The following RARB variants were observed in gnomAD, a reference collection of about 807,000 sequenced individuals.
The protein encoded by RARB is retinoic acid receptor beta.
In RARB, 17 loss-of-function variants were observed where a neutral mutation model predicts 51.9. The ratio of observed to expected loss-of-function variants is 0.33; its 90% CI spans 0.22 to 0.49. The LOEUF (loss-of-function observed/expected upper bound fraction) is 0.49. Among genes scored for constraint, RARB ranks in the 20% least tolerant of loss-of-function variants. The probability of loss-of-function intolerance (pLI) is 0.99; values close to 1 mark genes in which losing one functional copy is unlikely to be tolerated. For missense variants in RARB, 369 were observed against 550.8 expected (o/e 0.67, Z 3.30); for synonymous variants, 215 against 195.4 (o/e 1.10, Z -0.84).
At chr3:25,082,224 T>G (rs1286488754) in intron 3 of RARB, among the ~76,000 whole-genome samples, 1 of 138,500 alleles carries the variant, frequency 7.2e-6, no homozygotes, top group East Asian at 2.1e-4. Context: ...CCAGTCAGTT[T>G]ATTCCTTTTA....
chr3:25,247,300 G>C (rs569346976), intron 5 of RARB, among the ~76,000 whole-genome samples: 2 of 152,304 alleles, frequency 1.3e-5, no homozygotes, highest in African/African-American at 2.4e-5. Context: ...TAGTATCACT[G>C]TCTTCAGCCC....
chr3:25,501,169 T>C lies in RARB; in HGVS notation c.307-13T>C, dbSNP rs774258213. On this transcript the variant is annotated splice_polypyrimidine_tract_variant and intron_variant, in intron 2 of 7. Transcript: ENST00000330688. ...GCTTTACTGAGTTTTTTCATCTTCT[T>C]GCTTGCTTGCAGGGCTTTTTCCGCA... 2 of 1,567,806 alleles carry C rather than the reference T, an allele frequency of 1.3e-6. No homozygotes were observed. Among genetic ancestry groups the C allele is most frequent in the Admixed American group, 4.2e-5 (2 of 47,540 alleles).
intron 2 of RARB, among the ~76,000 whole-genome samples, chr3:25,478,938 T>C (rs1341345890): frequency 6.6e-6 from 1 of 152,196 alleles, no homozygotes; most frequent in Non-Finnish European, 1.5e-5. Flanking sequence ...AAAATAGTTA[T>C]TTATTCCTTT....
At chr3:25,334,076 G>A (rs1426250697) in intron 5 of RARB, among the ~76,000 whole-genome samples, 1 of 152,180 alleles carries the variant, frequency 6.6e-6, no homozygotes, top group Non-Finnish European at 1.5e-5. Context: ...TTACACTGTT[G>A]GTGGGACTGT....
At chr3:25,215,666 T>C (rs1701817825) in intron 5 of RARB, among the ~76,000 whole-genome samples, 2 of 152,120 alleles carry the variant, frequency 1.3e-5, no homozygotes, top group South Asian at 4.2e-4. Context: ...TCGATGATGA[T>C]TTGAAACCAG....
At chr3:25,296,611 A>G (rs1703920208) in intron 5 of RARB, among the ~76,000 whole-genome samples, 1 of 152,208 alleles carries the variant, frequency 6.6e-6, no homozygotes, top group African/African-American at 2.4e-5. Context: ...AAGGTCTGGC[A>G]GAGAAAGAAT....
At chr3:25,376,447 G>T (rs1388859216) in intron 5 of RARB, among the ~76,000 whole-genome samples, 1 of 152,152 alleles carries the variant, frequency 6.6e-6, no homozygotes, top group African/African-American at 2.4e-5. Flanking sequence ...TATGGCCCCA[G>T]ATACAACCTT....
At chr3:25,189,474 G>A (rs1006142800) in intron 5 of RARB, among the ~76,000 whole-genome samples, 1 of 152,122 alleles carries the variant, frequency 6.6e-6, no homozygotes, top group Admixed American at 6.5e-5. Context: ...CCCCAGCAGT[G>A]CCCAGGAAAA....
In RARB at chr3:25,347,650, G is replaced by T. The variant is rs375203589; in HGVS notation, c.179-113543G>T. ...GGTATCATGGTACCAGAAACTTCAG[G>T]TTTAGACATTTTGTAAAATTAGCAA... On this transcript the variant is annotated intron_variant, in intron 5 of 11. Transcript: ENST00000383772. Among the ~76,000 whole-genome samples the T allele has an allele frequency of 2.5e-3, 386 of 152,262 alleles. 3 individuals carry two copies. Among genetic ancestry groups the T allele is most frequent in the South Asian group, 0.018 (89 of 4,820 alleles).
At chr3:24,922,470 G>A (rs1019214735) in intron 2 of RARB, among the ~76,000 whole-genome samples, 12 of 152,132 alleles carry the variant, frequency 7.9e-5, no homozygotes, top group Non-Finnish European at 1.3e-4. Flanking sequence ...GTCGTAGGCC[G>A]TAGGTATTTA....
intron 3 of RARB, among the ~76,000 whole-genome samples, chr3:25,082,408 TTC>T (rs1032591027): frequency 6.6e-6 from 1 of 152,112 alleles, no homozygotes; most frequent in Non-Finnish European, 1.5e-5. Context: ...TTTTGATTTT[TTC>T]TCTAAGTTCA....
At chr3:25,190,486 G>A (rs1701076320) in intron 5 of RARB, among the ~76,000 whole-genome samples, 1 of 152,078 alleles carries the variant, frequency 6.6e-6, no homozygotes, top group Non-Finnish European at 1.5e-5. Flanking sequence ...AGCACTCCAG[G>A]AGATGTTTAA....
chr3:24,912,741 C>G (rs1292607563), intron 2 of RARB, among the ~76,000 whole-genome samples: 1 of 152,086 alleles, frequency 6.6e-6, no homozygotes, highest in Admixed American at 6.5e-5. Context: ...CTAAAGTTAG[C>G]ATTCTATGAA....
chr3:25,542,928 G>C (rs1295612180), intron 3 of RARB, among the ~76,000 whole-genome samples: 1 of 152,200 alleles, frequency 6.6e-6, no homozygotes, highest in East Asian at 1.9e-4. Flanking sequence ...AGTTAGTGGT[G>C]GTGGTGGTAA....
At chr3:25,163,504 A>AAAAAAAAAAAAAAAATATATAT (rs1303712411) in intron 4 of RARB, among the ~76,000 whole-genome samples, 3 of 131,088 alleles carry the variant, frequency 2.3e-5, no homozygotes, top group African/African-American at 9.6e-5. Flanking sequence ...CCTATCTCAA[A>AAAAAAAAAAAAAAAATATATAT]ATATATATAT....
chr3:25,122,313 TTCTC>T (rs1699797078), intron 3 of RARB, among the ~76,000 whole-genome samples: 1 of 151,930 alleles, frequency 6.6e-6, no homozygotes, highest in African/African-American at 2.4e-5. Flanking sequence ...ATGCAAATAT[TTCTC>T]TCAATTTCTG....
intron 3 of RARB, among the ~76,000 whole-genome samples, chr3:25,542,221 AAAG>A (rs1206202999): frequency 4.0e-4 from 61 of 152,360 alleles, no homozygotes; most frequent in African/African-American, 1.3e-3. Flanking sequence ...ATGGGTGTTG[AAAG>A]AAGGAGAGCT....
chr3:25,143,075 GCCTGGAGTAT>G (rs1279055891), intron 4 of RARB, among the ~76,000 whole-genome samples: 1 of 152,176 alleles, frequency 6.6e-6, no homozygotes, highest in Non-Finnish European at 1.5e-5. Context: ...GTAGAAGTTA[GCCTGGAGTAT>G]CCAGTGATAC....
chr3:25,354,845 G>A (rs904569548), intron 5 of RARB, among the ~76,000 whole-genome samples: 8 of 151,476 alleles, frequency 5.3e-5, no homozygotes, highest in African/African-American at 9.7e-5. Context: ...ACTGGGAAAA[G>A]GAGGAATTTT....
Sources: gnomAD v4.1 joint callset for allele counts (sites outside exome capture counted in the v4.1 genomes callset) on GRCh38, gnomAD v4.1.1 for gene constraint, MANE v1.5 for transcripts, NCBI Gene and HGNC (gene_info 2026-07-23, HGNC 2026-07-21) for gene names.